MNAT1: variants seen among roughly 807,000 people sequenced by gnomAD.
MNAT1 encodes the protein CDK-activating kinase assembly factor MAT1.
A neutral mutation model predicts 42.0 loss-of-function variants in MNAT1; 43 were observed. The observed-to-expected ratio is 1.02, with a 90% confidence interval of 0.80 to 1.32. The LOEUF (loss-of-function observed/expected upper bound fraction) is 1.32, where lower values mean the gene tolerates loss of function less well. Among genes scored for constraint, MNAT1 ranks in the 40% most tolerant of loss-of-function variants. The pLI, the probability that MNAT1 is intolerant of heterozygous loss-of-function variation, is 0.00. For synonymous variants in MNAT1, 118 were observed against 120.0 expected (o/e 0.98, Z 0.11); for missense variants, 306 against 350.4 (o/e 0.87, Z 1.01).
chr14:60,871,220 T>C (rs72722284), intron 6 of MNAT1, among the ~76,000 whole-genome samples: 3,254 of 152,352 alleles, frequency 0.021, 50 homozygotes, highest in Non-Finnish European at 0.033. Flanking sequence ...TTCCACTATT[T>C]GGCTGCTATT....
chr14:60,790,590 C>G (rs1268078942), intron 1 of MNAT1, among the ~76,000 whole-genome samples: 1 of 152,088 alleles, frequency 6.6e-6, no homozygotes, highest in Non-Finnish European at 1.5e-5. Context: ...TCATGATTAT[C>G]AATATAAAAT....
At position 60,744,439 on chromosome 14, in the gene MNAT1, G is replaced by C. The variant is rs959851970; in HGVS notation, c.89+9488G>C. On this transcript the variant is annotated intron_variant, in intron 1 of 7. Transcript: ENST00000261245. ...GAGCCATCACGCCCAGCCATCTCAG[G>C]GTTGGTTTCTATTGACTGCTTTTAT... Among the ~76,000 whole-genome samples the C allele has an allele frequency of 3.3e-5, 5 of 152,074 alleles. No homozygotes were observed. In the South Asian group the frequency reaches 8.3e-4, roughly 25 times the overall value.
At chr14:60,941,879 C>T (rs1035572985) in intron 7 of MNAT1, among the ~76,000 whole-genome samples, 12 of 150,878 alleles carry the variant, frequency 8.0e-5, no homozygotes, top group African/African-American at 2.9e-4. Context: ...TGGCGGGCGC[C>T]TGTAATTGCA....
At chr14:60,862,029 A>G (rs186578502) in intron 6 of MNAT1, among the ~76,000 whole-genome samples, 11 of 152,344 alleles carry the variant, frequency 7.2e-5, no homozygotes, top group Middle Eastern at 3.4e-3. Context: ...CTTTGAAATT[A>G]AAAAGAAAAC....
intron 6 of MNAT1, among the ~76,000 whole-genome samples, chr14:60,826,661 T>C (rs2033066575): frequency 6.6e-6 from 1 of 152,186 alleles, no homozygotes; most frequent in Admixed American, 6.5e-5. Flanking sequence ...TGTGTGGTGA[T>C]AGCTTTTGAA....
chr14:60,909,418 T>C (rs1258182653), intron 7 of MNAT1, among the ~76,000 whole-genome samples: 1 of 152,178 alleles, frequency 6.6e-6, no homozygotes, highest in Admixed American at 6.5e-5. Context: ...TCCTGAATGG[T>C]ATTGCCTAGG....
chr14:60,810,422 A>T (rs1489796072), intron 4 of MNAT1, among the ~76,000 whole-genome samples: 4 of 152,080 alleles, frequency 2.6e-5, no homozygotes, highest in African/African-American at 9.6e-5. Context: ...GCTCCTTGAG[A>T]TGTAAAGCCA....
In MNAT1 at chr14:60,815,642, A is replaced by T. The variant is rs139517429; in HGVS notation, c.562-3080A>T. Among the ~76,000 whole-genome samples, 244 of 152,342 alleles carry T rather than the reference A, an allele frequency of 1.6e-3. 1 individual carries two copies. Among genetic ancestry groups the T allele is most frequent in the Middle Eastern group, 0.01 (3 of 294 alleles). On this transcript the variant is annotated intron_variant, in intron 5 of 7. Coordinates refer to ENST00000261245, the MANE Select transcript of MNAT1 (RefSeq NM_002431.4). ...ACTACCATTGTTGTACATTGTGTGT[A>T]ATCTGGAGTTAATATTGATTTTTGT...
chr14:60,756,445 TC>T (rs1437531759), intron 1 of MNAT1, among the ~76,000 whole-genome samples: 1 of 152,186 alleles, frequency 6.6e-6, no homozygotes, highest in Non-Finnish European at 1.5e-5. Flanking sequence ...GAAGTGCTTT[TC>T]CCATTACTAA....
intron 4 of MNAT1, 27 bp from the exon 5 acceptor site, chr14:60,811,960 C>T (rs1438697990): frequency 1.3e-6 from 2 of 1,531,244 alleles, no homozygotes; most frequent in African/African-American, 1.4e-5. Flanking sequence ...AAATTTATTC[C>T]ACGCCATATA....
intron 7 of MNAT1, among the ~76,000 whole-genome samples, chr14:60,889,803 C>T (rs1315780149): frequency 1.3e-5 from 2 of 152,178 alleles, no homozygotes; most frequent in Non-Finnish European, 2.9e-5. Context: ...TATGAACAGA[C>T]ACTTCTCAAA....
Position 60,871,774 on chromosome 14 carries a change from TA to T in MNAT1, c.688-7939del, listed in dbSNP as rs555496938. 4.0e-4 allele frequency among the ~76,000 whole-genome samples: 60 copies of T among 151,878 alleles called. No homozygotes were observed. In the South Asian group the frequency reaches 0.012, roughly 30 times the overall value. ...AGTAGCTGGGATTACAGGCGCCGGC[TA>T]CCACGCCCAGCTAATTTTTTTATTT... is the stretch of plus-strand genomic sequence containing the variant. On this transcript the variant is annotated intron_variant, in intron 6 of 7. Transcript: ENST00000261245.
At chr14:60,851,314 A>G (rs1026874636) in intron 6 of MNAT1, among the ~76,000 whole-genome samples, 2 of 152,080 alleles carry the variant, frequency 1.3e-5, no homozygotes, top group African/African-American at 4.8e-5. Context: ...ATGTCAATGC[A>G]TTTTTCTCGG....
intron 6 of MNAT1, among the ~76,000 whole-genome samples, chr14:60,846,309 T>C (rs1264311824): frequency 6.6e-6 from 1 of 152,138 alleles, no homozygotes; most frequent in Non-Finnish European, 1.5e-5. Context: ...TCCTTCTCTT[T>C]TTTTTCCCTT....
intron 1 of MNAT1, among the ~76,000 whole-genome samples, chr14:60,758,577 G>A (rs1030340938): frequency 2.6e-5 from 4 of 151,014 alleles, no homozygotes; most frequent in African/African-American, 7.3e-5. Flanking sequence ...GCTTACTACC[G>A]CCCACTCCTC....
intron 1 of MNAT1, among the ~76,000 whole-genome samples, chr14:60,739,665 TAGA>T (rs1417309171): frequency 1.3e-5 from 2 of 152,244 alleles, no homozygotes; most frequent in East Asian, 1.9e-4. Flanking sequence ...TGTATGCATA[TAGA>T]AGAAGATTGG....
intron 1 of MNAT1, among the ~76,000 whole-genome samples, chr14:60,766,995 C>G (rs940155018): frequency 2.0e-5 from 3 of 152,042 alleles, no homozygotes; most frequent in African/African-American, 7.2e-5. Context: ...ATAATAAAAA[C>G]TATTGTTTGT....
At chr14:60,965,207 G>A (rs913211753) in intron 7 of MNAT1, among the ~76,000 whole-genome samples, 2 of 152,188 alleles carry the variant, frequency 1.3e-5, no homozygotes, top group African/African-American at 4.8e-5. Flanking sequence ...TTTTGGCAGT[G>A]AGAATTGTAC....
intron 1 of MNAT1, among the ~76,000 whole-genome samples, chr14:60,791,145 A>G (rs925245110): frequency 1.3e-5 from 2 of 152,134 alleles, no homozygotes; most frequent in Non-Finnish European, 2.9e-5. Flanking sequence ...CTCAGAATGG[A>G]CTTAAATATA....
Sources: gnomAD v4.1 joint callset for allele counts (sites outside exome capture counted in the v4.1 genomes callset) on GRCh38, gnomAD v4.1.1 for gene constraint, MANE v1.5 for transcripts, NCBI Gene and HGNC (gene_info 2026-07-23, HGNC 2026-07-21) for gene names.